Variants in DHX32 observed in about 807,000 individuals in gnomAD.
DHX32 encodes putative pre-mRNA-splicing factor ATP-dependent RNA helicase DHX32.
In DHX32, 51 loss-of-function variants were observed where a neutral mutation model predicts 70.0. The ratio of observed to expected loss-of-function variants is 0.73; its 90% confidence interval spans 0.58 to 0.92. The LOEUF is 0.92. Ranked by LOEUF, DHX32 falls within the 40% of genes least tolerant of loss-of-function variation. DHX32 has a pLI of 0.00. For missense variants in DHX32, 762 were observed against 891.8 expected, an observed-to-expected ratio of 0.85 and a Z score of 1.85; for synonymous variants, 310 against 315.3, an observed-to-expected ratio of 0.98 and a Z score of 0.18.
chr10:125,887,005 C>T (rs1188265058), intron 1 of DHX32, among the ~76,000 whole-genome samples: 2 of 152,278 alleles, frequency 1.3e-5, no homozygotes, highest in Non-Finnish European at 2.9e-5. Flanking sequence ...GTAATTTCCA[C>T]TCCTAAATCC....
intron 1 of DHX32, among the ~76,000 whole-genome samples, chr10:125,868,610 C>T (rs77020166): frequency 2.0e-3 from 307 of 152,252 alleles, no homozygotes; most frequent in African/African-American, 7.1e-3. Context: ...ATTTACTCAA[C>T]GCTTACTTTG....
chr10:125,852,824 T>C (rs1944108921), intron 4 of DHX32, among the ~76,000 whole-genome samples, 182 bp from the exon 5 acceptor site: 1 of 152,232 alleles, frequency 6.6e-6, no homozygotes, highest in African/African-American at 2.4e-5. Flanking sequence ...GCAAGTGCTT[T>C]GATAAATGGA....
intron 7 of DHX32, chr10:125,841,413 A>G: frequency 1.3e-6 from 2 of 1,597,556 alleles, no homozygotes; most frequent in Non-Finnish European, 1.7e-6. Context: ...AAAAACAGGC[A>G]CACAACATTA....
At chr10:125,892,893 A>G (rs1482335927) in intron 1 of DHX32, among the ~76,000 whole-genome samples, 1 of 152,246 alleles carries the variant, frequency 6.6e-6, no homozygotes, top group African/African-American at 2.4e-5. Context: ...AAAAGGGCAA[A>G]GCTAGAAATT....
At chr10:125,862,169 G>A (rs571573573) in intron 2 of DHX32, among the ~76,000 whole-genome samples, 1 of 152,194 alleles carries the variant, frequency 6.6e-6, no homozygotes, top group Non-Finnish European at 1.5e-5. Flanking sequence ...TGTTCTATCT[G>A]TTGTCACTGT....
chr10:125,852,614 G>A lies in DHX32; in HGVS notation c.1121C>T (p.Ser374Leu), dbSNP rs776137704. The A allele has an allele frequency of 7.4e-6, 12 of 1,612,286 alleles. No homozygotes were observed. The Admixed American group carries it at 1.8e-4, about 25-fold the overall frequency. ...CTGGCTGATGGGCTGCATGACGAGC[G>A]AGTTTGCTCTTATTCTCGGGTTGTA... ...KVYNPRIRANSLVMQPISQSQ... is the reference protein window; with the variant it reads ...KVYNPRIRANLLVMQPISQSQ... Residue 374 changes from serine to leucine, a missense_variant, in exon 5 of 11, where the codon TCG becomes TTG. This residue lies in a region of DHX32 where 394 missense variants were observed against 473.1 expected (regional missense o/e 0.83). Coordinates refer to ENST00000284690, the MANE Select transcript of DHX32 (RefSeq NM_018180.3).
intron 8 of DHX32, among the ~76,000 whole-genome samples, chr10:125,840,107 T>G (rs1170730842): frequency 6.6e-6 from 1 of 152,220 alleles, no homozygotes; most frequent in East Asian, 1.9e-4. Context: ...TAAAAGATGC[T>G]TCATGGAAAA....
At position 125,852,622 on chromosome 10, in the gene DHX32, T is replaced by C. The variant is rs768262026; in HGVS notation, c.1113A>G (p.Arg371=). 3.1e-6 allele frequency: 5 copies of C among 1,611,676 alleles called. No homozygotes were observed. The highest frequency in any genetic ancestry group is 3.4e-5 in the Admixed American group (2 of 59,364). The change falls in exon 5 of 11, where the codon AGA becomes AGG. Residue 371 remains arginine (R), a synonymous_variant. Transcript: ENST00000284690. ...ERRKVYNPRI[R]ANSLVMQPIS... ...TGGGCTGCATGACGAGCGAGTTTGC[T>C]CTTATTCTCGGGTTGTACACCTTTA... is the stretch of plus-strand genomic sequence containing the variant.
chr10:125,871,876 T>C (rs1158156005), intron 1 of DHX32, among the ~76,000 whole-genome samples: 2 of 151,360 alleles, frequency 1.3e-5, no homozygotes, highest in East Asian at 3.9e-4. Context: ...TTTTTTTTTT[T>C]TTTGAGATGG....
chr10:125,868,607 C>G (rs1438278860), intron 1 of DHX32, among the ~76,000 whole-genome samples: 1 of 152,166 alleles, frequency 6.6e-6, no homozygotes, highest in Non-Finnish European at 1.5e-5. Flanking sequence ...ATTATTTACT[C>G]AACGCTTACT....
chr10:125,838,338 T>C lies in DHX32; in HGVS notation c.1931A>G (p.Lys644Arg), dbSNP rs140975050. 1 of 1,613,022 alleles carries C rather than the reference T, an allele frequency of 6.2e-7. No homozygotes were observed. Among genetic ancestry groups the C allele is most frequent in the Non-Finnish European group, 8.5e-7 (1 of 1,179,808 alleles). The change falls in exon 10 of 11, where the codon AAG (lysine) becomes AGG (arginine). Residue 644 changes from lysine to arginine, a missense_variant. Lys to Arg is a conservative substitution (Grantham distance 26). Transcript: ENST00000284690. ...GSGNYLMLTH[K>R]QVAQLHPLSG... is the part of the protein sequence containing the mutation. The stretch of plus-strand genomic sequence containing the variant: ...CAGGGGATGCAGCTGAGCAACCTGC[T>C]TATGTGTCAGCATTAAGTAGTTACC...
In DHX32 at chr10:125,839,096, T is replaced by G; in HGVS notation, c.1786A>C (p.Lys596Gln). ...VIRAELLEII[K>Q]RIELPYAEPA... Reference sequence around the variant, plus strand: ...TCTGCATAGGGAAGCTCGATTCGCTTGATAATTTCTAAGAGTTCAGCTCGA... The same window carrying G: ...TCTGCATAGGGAAGCTCGATTCGCTGGATAATTTCTAAGAGTTCAGCTCGA... The change falls in exon 9 of 11, where the codon AAG (lysine) becomes CAG (glutamine). Residue 596 changes from lysine to glutamine, a missense_variant. Coordinates refer to ENST00000284690, the MANE Select transcript of DHX32 (RefSeq NM_018180.3). 6.2e-7 allele frequency: 1 copy of G among 1,614,234 alleles called. No homozygotes were observed. Among genetic ancestry groups the G allele is most frequent in the Non-Finnish European group, 8.5e-7 (1 of 1,180,036 alleles).
At chr10:125,853,255 T>C (rs369103360) in intron 4 of DHX32, 6 of 1,561,248 alleles carry the variant, frequency 3.8e-6, no homozygotes, top group Non-Finnish European at 5.3e-6. Context: ...AAGTCAGGGA[T>C]ATTTAGGAGG....
chr10:125,875,380 T>C (rs1381243704), intron 1 of DHX32, among the ~76,000 whole-genome samples: 1 of 152,120 alleles, frequency 6.6e-6, no homozygotes, highest in African/African-American at 2.4e-5. Flanking sequence ...CTGGAACATC[T>C]TACTGAGCCA....
chr10:125,861,138 A>C (rs1424763994), intron 2 of DHX32, among the ~76,000 whole-genome samples: 1 of 152,110 alleles, frequency 6.6e-6, no homozygotes, highest in Non-Finnish European at 1.5e-5. Context: ...ATCCTTCGAC[A>C]GGCCTGCCTG....
upstream of DHX32, among the ~76,000 whole-genome samples, chr10:125,883,519 T>C (rs1013367447): frequency 6.6e-6 from 1 of 152,034 alleles, no homozygotes; most frequent in Non-Finnish European, 1.5e-5. Context: ...CACAGCAGCA[T>C]AAACCTTCAA....
intron 6 of DHX32, among the ~76,000 whole-genome samples, chr10:125,849,466 C>T (rs1944063196): frequency 1.3e-5 from 2 of 152,186 alleles, no homozygotes; most frequent in Admixed American, 6.5e-5. Flanking sequence ...GGCATGTTTG[C>T]GTCTCTTTTT....
intron 1 of DHX32, among the ~76,000 whole-genome samples, chr10:125,888,349 C>T (rs1291070196): frequency 5.3e-5 from 8 of 152,098 alleles, no homozygotes; most frequent in Admixed American, 5.2e-4. Flanking sequence ...ACTATAGGAA[C>T]ACACCACCAT....
At chr10:125,869,834 G>A (rs1944245925) in intron 1 of DHX32, among the ~76,000 whole-genome samples, 1 of 152,010 alleles carries the variant, frequency 6.6e-6, no homozygotes, top group Admixed American at 6.6e-5. Context: ...CATATGGTAG[G>A]GATAAGAGTT....
Sources: gnomAD v4.1 joint callset for allele counts (sites outside exome capture counted in the v4.1 genomes callset) on GRCh38, gnomAD v4.1.1 for gene constraint, gnomAD v4.1.1 regional missense constraint, MANE v1.5 for transcripts, NCBI Gene and HGNC (gene_info 2026-07-23, HGNC 2026-07-21) for gene names.